EPHB2: variants seen among roughly 807,000 people sequenced by gnomAD.
The protein encoded by EPHB2 is ephrin type-B receptor 2.
EPHB2 carries 18 observed loss-of-function variants against 96.4 expected under a neutral mutation model. The observed-to-expected ratio is 0.19, with a 90% confidence interval of 0.13 to 0.28. The LOEUF (loss-of-function observed/expected upper bound fraction) is 0.28. EPHB2 is among the 10% of genes least tolerant of loss of function. The pLI is 1.00. For missense variants in EPHB2, 989 were observed against 1,355.4 expected, an observed-to-expected ratio of 0.73 and a Z score of 4.25; for synonymous variants, 506 against 534.1, an observed-to-expected ratio of 0.95 and a Z score of 0.72.
chr1:22,829,508 CACCT>C (rs1645272927), intron 3 of EPHB2, among the ~76,000 whole-genome samples: 1 of 152,356 alleles, frequency 6.6e-6, no homozygotes, highest in African/African-American at 2.4e-5. Flanking sequence ...CCTTGACCCT[CACCT>C]GCCTGTCTAG....
intron 6 of EPHB2, among the ~76,000 whole-genome samples, chr1:22,889,721 G>A (rs1019525586): frequency 6.6e-6 from 1 of 152,306 alleles, no homozygotes; most frequent in Admixed American, 6.5e-5. Context: ...GACACTGCAA[G>A]ACAAGTGAGG....
In EPHB2 at chr1:22,863,173, C is replaced by T. The variant is rs755673470; in HGVS notation, c.948C>T (p.Pro316=). ...GCTACTACAGAGCAGACCTGGACCC[C>T]CTGGACATGCCCTGCACAAGTAAGT... ...RNGYYRADLD[P]LDMPCTTIPS... The change falls in exon 4 of 16, where the codon CCC becomes CCT. Residue 316 remains proline, a synonymous_variant. Coordinates refer to ENST00000374630, the MANE Select transcript of EPHB2 (RefSeq NM_017449.5). The T allele has an allele frequency of 1.9e-6, 3 of 1,614,080 alleles. No individual in the cohort carries two copies. Among genetic ancestry groups the T allele is most frequent in the Non-Finnish European group, 1.7e-6 (2 of 1,180,054 alleles).
At chr1:22,818,610 T>C (rs1275688031) in intron 3 of EPHB2, among the ~76,000 whole-genome samples, 1 of 152,208 alleles carries the variant, frequency 6.6e-6, no homozygotes, top group Non-Finnish European at 1.5e-5. Context: ...CGGCCCAGCC[T>C]TCCCATTCTG....
chr1:22,882,642 T>G lies in EPHB2; in HGVS notation c.1428+159T>G, dbSNP rs1639088469. 3 of 1,115,904 alleles carry G rather than the reference T, an allele frequency of 2.7e-6. No individual in the cohort carries two copies. The Admixed American group carries it at 6.4e-5, about 24-fold the overall frequency. The allele number at this position is 1,115,904 out of a possible 1,614,324, so 69.1% of individuals were successfully genotyped here. On this transcript the variant is annotated intron_variant, in intron 6 of 15. Transcript: ENST00000374630. The stretch of plus-strand genomic sequence containing the variant: ...CAGGCTGCCTGGCTCCCAATCCAGC[T>G]CCGCTCCTTCCCACTGTGAGACCTC...
At position 22,906,533 on chromosome 1, in the gene EPHB2, A is replaced by G. The variant is rs1380141794; in HGVS notation, c.1889-177A>G. ...AATTTACTGTCCTCTCCCAGAGGTG[A>G]CTGGAACTTTTCTGGACCCCTGACA... On this transcript the variant is annotated intron_variant, in intron 10 of 15. Coordinates refer to ENST00000374630, the MANE Select transcript of EPHB2 (RefSeq NM_017449.5). This position sits in a 1 kb window ranked among gnomAD's most constrained non-coding sequence, Gnocchi z 4.8. Among the ~76,000 whole-genome samples, 1 of 152,170 alleles carries G rather than the reference A, an allele frequency of 6.6e-6. No homozygotes were observed. The highest frequency in any genetic ancestry group is 1.9e-4 in the East Asian group (1 of 5,190).
intron 3 of EPHB2, among the ~76,000 whole-genome samples, chr1:22,803,681 A>ATATGTATATG (rs1644880940): frequency 8.8e-5 from 11 of 125,028 alleles, no homozygotes; most frequent in South Asian, 2.7e-4. Flanking sequence ...GTGTGTATAT[A>ATATGTATATG]TGTATATATA....
intron 1 of EPHB2, among the ~76,000 whole-genome samples, chr1:22,779,574 A>G (rs963765427): frequency 3.9e-5 from 6 of 152,226 alleles, no homozygotes; most frequent in Non-Finnish European, 7.3e-5. Context: ...CACTGGGCAC[A>G]CAGCCCCAGT....
rs886852806 is a variant in EPHB2 at position 22,862,940 on chromosome 1, C to T, written c.812-97C>T. On this transcript the variant is annotated intron_variant, in intron 3 of 15. Coordinates refer to ENST00000374630, the MANE Select transcript of EPHB2 (RefSeq NM_017449.5). ...CAGCAGTGGTGCTGCATGGCCCCTC[C>T]GCGAGGCTGTGTGGCCCCTCCGTGA... The T allele has an allele frequency of 5.2e-5, 78 of 1,507,948 alleles. No homozygotes were observed. In the African/African-American group the frequency reaches 8.8e-4, roughly 17 times the overall value. 93.4% of individuals were successfully genotyped at this position (1,507,948 alleles called of 1,614,324 possible). A position where few individuals can be genotyped will look rare whatever the true frequency, so the allele number is the denominator to read the frequency against.
At chr1:22,851,152 G>A (rs1460960261) in intron 3 of EPHB2, among the ~76,000 whole-genome samples, 3 of 152,052 alleles carry the variant, frequency 2.0e-5, no homozygotes, top group African/African-American at 4.8e-5. Context: ...GTGCCACCAC[G>A]CCCAGCTCAT....
At chr1:22,750,538 G>A (rs534612466) in intron 1 of EPHB2, among the ~76,000 whole-genome samples, 200 of 152,170 alleles carry the variant, frequency 1.3e-3, no homozygotes, top group African/African-American at 4.6e-3. Context: ...CTTCTCCTCC[G>A]TGCCTGCTGA....
At chr1:22,765,190 A>G (rs1644290717) in intron 1 of EPHB2, among the ~76,000 whole-genome samples, 1 of 152,126 alleles carries the variant, frequency 6.6e-6, no homozygotes, top group Non-Finnish European at 1.5e-5. Context: ...GGCTGTCTGT[A>G]GCATAGGACC....
chr1:22,802,513 G>A (rs1399392597), intron 3 of EPHB2, among the ~76,000 whole-genome samples: 1 of 152,126 alleles, frequency 6.6e-6, no homozygotes, highest in Non-Finnish European at 1.5e-5. Flanking sequence ...CAAAGACTAT[G>A]CCCTTCCCCA....
intron 3 of EPHB2, among the ~76,000 whole-genome samples, chr1:22,794,956 CTT>C (rs1484869249): frequency 6.6e-6 from 1 of 152,218 alleles, no homozygotes; most frequent in Non-Finnish European, 1.5e-5. Context: ...CAGTTTAAGC[CTT>C]TCTAAGCCTC....
intron 7 of EPHB2, among the ~76,000 whole-genome samples, chr1:22,894,687 T>C (rs911394304): frequency 3.9e-5 from 6 of 152,076 alleles, no homozygotes; most frequent in African/African-American, 1.4e-4. Context: ...GCCAGGCTAA[T>C]GCCAAGTGTA....
At chr1:22,849,697 A>C (rs1290426300) in intron 3 of EPHB2, among the ~76,000 whole-genome samples, 7 of 152,244 alleles carry the variant, frequency 4.6e-5, no homozygotes, top group Non-Finnish European at 7.3e-5. Context: ...TTCGAGCCCT[A>C]AAAGACTCTA....
intron 1 of EPHB2, among the ~76,000 whole-genome samples, chr1:22,742,376 G>C (rs1198393037): frequency 6.6e-6 from 1 of 152,140 alleles, no homozygotes; most frequent in East Asian, 1.9e-4. Context: ...CAGGGGCAAA[G>C]CTGAGAGCCG....
chr1:22,832,811 AG>A (rs1645325561), intron 3 of EPHB2, among the ~76,000 whole-genome samples: 1 of 152,198 alleles, frequency 6.6e-6, no homozygotes, highest in Non-Finnish European at 1.5e-5. Context: ...ATAGAAGAAG[AG>A]GGGGTACAAT....
intron 1 of EPHB2, among the ~76,000 whole-genome samples, chr1:22,724,606 G>A (rs752288088): frequency 8.5e-5 from 13 of 152,174 alleles, no homozygotes; most frequent in Non-Finnish European, 1.5e-4. Context: ...TTTATACCTG[G>A]GTTTGCTTGG....
At chr1:22,752,950 T>A (rs1287462159) in intron 1 of EPHB2, among the ~76,000 whole-genome samples, 1 of 151,656 alleles carries the variant, frequency 6.6e-6, no homozygotes, top group African/African-American at 2.4e-5. Context: ...TGCTGGGCTA[T>A]GTTTTTTTTT....
Sources: gnomAD v4.1 joint callset for allele counts (sites outside exome capture counted in the v4.1 genomes callset) on GRCh38, gnomAD v4.1.1 for gene constraint, Gnocchi (gnomAD v3.1) non-coding constraint, MANE v1.5 for transcripts, NCBI Gene and HGNC (gene_info 2026-07-23, HGNC 2026-07-21) for gene names.